The following ZNF556 variants were observed in gnomAD, a reference collection of about 807,000 sequenced individuals.
The protein encoded by ZNF556 is zinc finger protein 556.
In ZNF556, 11 loss-of-function variants were observed where a neutral mutation model predicts 13.6. The observed-to-expected ratio is 0.81, with a 90% CI of 0.51 to 1.33. The LOEUF (loss-of-function observed/expected upper bound fraction) is 1.33. Among genes scored for constraint, ZNF556 ranks in the 40% most tolerant of loss-of-function variants. ZNF556 has a pLI of 0.00. For missense variants in ZNF556, 633 were observed against 566.2 expected, an observed-to-expected ratio of 1.12 and a Z score of -1.20; for synonymous variants, 229 against 207.8, an observed-to-expected ratio of 1.10 and a Z score of -0.88.
chr19:2,877,461 C>A lies in ZNF556; in HGVS notation c.503C>A (p.Ala168Asp). Reference protein sequence around the residue: ...HSSSLIRHKRAHSGQKLYKCK... With the variant: ...HSSSLIRHKRDHSGQKLYKCK... ...TCATCCCTGATAAGGCACAAAAGAG[C>A]TCACTCTGGACAAAAATTATATAAA... Residue 168 changes from alanine (A) to aspartate (D), a missense_variant, in exon 4 of 4, where the codon GCT (alanine) becomes GAT (aspartate). Transcript: ENST00000307635. The A allele has an allele frequency of 2.5e-6, 4 of 1,614,154 alleles. No individual in the cohort carries two copies. Among genetic ancestry groups the A allele is most frequent in the Non-Finnish European group, 3.4e-6 (4 of 1,180,038 alleles).
chr19:2,878,696 C>A lies in ZNF556; in HGVS notation c.*367C>A, dbSNP rs190012812. On this transcript the variant is annotated 3_prime_UTR_variant, in exon 4 of 4. Coordinates refer to ENST00000307635, the MANE Select transcript of ZNF556 (RefSeq NM_024967.3). The stretch of plus-strand genomic sequence containing the variant: ...ATCTCCAAAAAAAGAAAATTCATGG[C>A]AGGAGAAGAATCTCATGACGTTTAT... The A allele has an allele frequency of 5.2e-5, 9 of 174,044 alleles. No individual in the cohort carries two copies. The East Asian group carries it at 9.5e-4, about 18-fold the overall frequency. 10.8% of individuals were successfully genotyped at this position (174,044 alleles called of 1,614,324 possible).
intron 2 of ZNF556, chr19:2,875,049 C>A: frequency 6.4e-6 from 1 of 156,976 alleles, no homozygotes. Flanking sequence ...TTTCTGTGGG[C>A]CTGAATGCCC....
At chr19:2,870,104 A>G (rs896390751) in intron 1 of ZNF556, among the ~76,000 whole-genome samples, 3 of 152,110 alleles carry the variant, frequency 2.0e-5, no homozygotes, top group African/African-American at 7.2e-5. Flanking sequence ...ATTAATTTAA[A>G]TTGGATCACA....
At position 2,880,501 on chromosome 19, in the gene ZNF556, G is replaced by C. The variant is rs2087896091; in HGVS notation, c.*2172G>C. 1 of 152,150 alleles carries C rather than the reference G, an allele frequency of 6.6e-6. No homozygotes were observed. The highest frequency in any genetic ancestry group is 1.5e-5 in the Non-Finnish European group (1 of 68,030). The allele number at this position is 152,150 out of a possible 1,614,324, so 9.4% of individuals were successfully genotyped here. On this transcript the variant is annotated 3_prime_UTR_variant, in exon 4 of 4. Transcript: ENST00000307635. ...TGATACTTCTGGGCCAGGCACAGTG[G>C]CTCACGCCTGTAATCCCAGCACTTT...
Position 2,877,900 on chromosome 19 carries a change from C to A in ZNF556, c.942C>A (p.Pro314=). 6.2e-7 allele frequency: 1 copy of A among 1,614,144 alleles called. No individual in the cohort carries two copies. The highest frequency in any genetic ancestry group is 2.2e-5 in the East Asian group (1 of 44,880). ...TGAGAATTCACAACGGGGAGAAACC[C>A]TATAAGTGTGGAAAATGCGGGAAAG... is the stretch of plus-strand genomic sequence containing the variant. The part of the protein sequence containing the change: ...RHVRIHNGEK[P]YKCGKCGKAF... The change falls in exon 4 of 4, where the codon CCC becomes CCA. Residue 314 remains proline, a synonymous_variant. Coordinates refer to ENST00000307635, the MANE Select transcript of ZNF556 (RefSeq NM_024967.3).
At chr19:2,870,384 C>A (rs551062666) in intron 1 of ZNF556, among the ~76,000 whole-genome samples, 1 of 152,118 alleles carries the variant, frequency 6.6e-6, no homozygotes, top group Non-Finnish European at 1.5e-5. Context: ...CCCAGGAGTT[C>A]AAGGCTGCGG....
In ZNF556 at chr19:2,867,495, G is replaced by A. The variant is rs1325811365; in HGVS notation, c.3+71G>A. The A allele has an allele frequency of 8.3e-6, 13 of 1,558,696 alleles. No individual in the cohort carries two copies. In the East Asian group the frequency reaches 1.4e-4, roughly 17 times the overall value. On this transcript the variant is annotated intron_variant, in intron 1 of 3. Coordinates refer to ENST00000307635, the MANE Select transcript of ZNF556 (RefSeq NM_024967.3). ...GGAGGGTTGGAAGCGGCCAGAACAC[G>A]CTGAAACTCCCGGGGGAGCCGCCCG...
rs757819198 is a variant in ZNF556, at chr19:2,877,456, A to G, written c.498A>G (p.Lys166=). Residue 166 remains lysine (K), a synonymous_variant, in exon 4 of 4, where the codon AAA becomes AAG. Transcript: ENST00000307635. ...FTHSSSLIRH[K]RAHSGQKLYK... ...ATTCCTCATCCCTGATAAGGCACAA[A>G]AGAGCTCACTCTGGACAAAAATTAT... 4 of 1,614,174 alleles carry G rather than the reference A, an allele frequency of 2.5e-6. No individual in the cohort carries two copies. In the Admixed American group the frequency reaches 6.7e-5, roughly 27 times the overall value.
chr19:2,873,129 G>A (rs570152696), intron 1 of ZNF556, among the ~76,000 whole-genome samples: 17 of 79,944 alleles, frequency 2.1e-4, no homozygotes, highest in South Asian at 4.0e-4. Context: ...GCAAGACTCC[G>A]TCTCAAAAAA....
Position 2,878,086 on chromosome 19 carries a change from G to A in ZNF556, c.1128G>A (p.Gly376=). The A allele has an allele frequency of 6.2e-7, 1 of 1,614,152 alleles. No homozygotes were observed. The highest frequency in any genetic ancestry group is 8.5e-7 in the Non-Finnish European group (1 of 1,180,032). Residue 376 remains glycine (G), a synonymous_variant, in exon 4 of 4, where the codon GGG becomes GGA. Transcript: ENST00000307635. ...AAGTCTATAAATGTGAAACGTGTGG[G>A]AAAACGTATGGTTGGTCCTCATCTT... ...REKVYKCETC[G]KTYGWSSSLH...
Position 2,879,991 on chromosome 19 carries a change from C to T in ZNF556, c.*1662C>T, listed in dbSNP as rs546775008. 4 of 151,994 alleles carry T rather than the reference C, an allele frequency of 2.6e-5. No homozygotes were observed. The highest frequency in any genetic ancestry group is 6.6e-5 in the Admixed American group (1 of 15,234). 9.4% of individuals were successfully genotyped at this position (151,994 alleles called of 1,614,324 possible). ...CTTGCAGTGAGCTGGAATCGTGCCA[C>T]TGTACTCCAGCCTGGGCGAAAGAGC... On this transcript the variant is annotated 3_prime_UTR_variant, in exon 4 of 4. Transcript: ENST00000307635.
At position 2,876,105 on chromosome 19, in the gene ZNF556, A is replaced by C. The variant is rs1262934411; in HGVS notation, c.143A>C (p.Gln48Pro). ...KHLASVDNEA[Q>P]LKASGSISQQ... ...TTTTTTGTTTCAGATAATGAGGCTCAGCTTAAAGCCAGTGGGTCTATTTCT... is the reference window on the plus strand; with the variant it reads ...TTTTTTGTTTCAGATAATGAGGCTCCGCTTAAAGCCAGTGGGTCTATTTCT... The change falls in exon 3 of 4, where the codon CAG becomes CCG. Residue 48 changes from glutamine (Q) to proline (P), a missense_variant. Coordinates refer to ENST00000307635, the MANE Select transcript of ZNF556 (RefSeq NM_024967.3). 6.2e-7 allele frequency: 1 copy of C among 1,604,900 alleles called. No individual in the cohort carries two copies. Among genetic ancestry groups the C allele is most frequent in the Non-Finnish European group, 8.5e-7 (1 of 1,177,612 alleles).
rs768299923 is a variant in ZNF556 at position 2,873,497 on chromosome 19, A to G, written c.5A>G (p.Asp2Gly). The part of the protein sequence containing the change: M[D>G]TVVFEDVVVD... ...GTACACATATGTGGTTTGTTTTAGG[A>G]CACAGTGGTCTTTGAAGACGTGGTT... The change falls in exon 2 of 4, where the codon GAC becomes GGC. Residue 2 changes from aspartate to glycine, a missense_variant and splice_region_variant. By Grantham distance (94) the Asp-to-Gly change is moderately conservative (BLOSUM62 -1). Transcript: ENST00000307635. 6.2e-7 allele frequency: 1 copy of G among 1,614,078 alleles called. No individual in the cohort carries two copies. The highest frequency in any genetic ancestry group is 8.5e-7 in the Non-Finnish European group (1 of 1,180,002).
intron 1 of ZNF556, among the ~76,000 whole-genome samples, chr19:2,869,477 C>A (rs1324232477): frequency 6.6e-6 from 1 of 152,186 alleles, no homozygotes; most frequent in African/African-American, 2.4e-5. Context: ...TGCCATTCTC[C>A]TGCCTCAGCC....
At position 2,878,232 on chromosome 19, in the gene ZNF556, G is replaced by A. The variant is rs181113809; in HGVS notation, c.1274G>A (p.Ser425Asn). The A allele has an allele frequency of 3.1e-6, 5 of 1,614,140 alleles. No homozygotes were observed. The highest frequency in any genetic ancestry group is 1.6e-4 in the Middle Eastern group (1 of 6,062). ...NVRTQIGQKP[S>N]KCEKCGKAFS... Reference sequence around the variant, plus strand: ...AGAACGCAGATTGGACAGAAGCCCAGTAAATGCGAAAAATGTGGGAAAGCT... The same window carrying A: ...AGAACGCAGATTGGACAGAAGCCCAATAAATGCGAAAAATGTGGGAAAGCT... The change falls in exon 4 of 4, where the codon AGT becomes AAT. Residue 425 changes from serine to asparagine, a missense_variant. Physicochemically the swap from Ser to Asn is conservative, Grantham distance 46 (BLOSUM62 1). Coordinates refer to ENST00000307635, the MANE Select transcript of ZNF556 (RefSeq NM_024967.3).
At chr19:2,871,700 G>A (rs7259438) in intron 1 of ZNF556, among the ~76,000 whole-genome samples, 12,645 of 152,128 alleles carry the variant, frequency 0.083, 1,741 homozygotes, top group African/African-American at 0.29. Flanking sequence ...CCACAGGGTC[G>A]GTGGGTTTCT....
At chr19:2,868,537 C>T (rs2087776280) in intron 1 of ZNF556, among the ~76,000 whole-genome samples, 1 of 151,282 alleles carries the variant, frequency 6.6e-6, no homozygotes. Context: ...CTGCCTCAGC[C>T]TCCCCAGCAG....
chr19:2,869,959 A>G (rs1156290113), intron 1 of ZNF556, among the ~76,000 whole-genome samples: 1 of 152,076 alleles, frequency 6.6e-6, no homozygotes, highest in African/African-American at 2.4e-5. Flanking sequence ...CCCTCTGTCC[A>G]GTCACACAGG....
chr19:2,873,683 G>T, intron 2 of ZNF556, 61 bp downstream of exon 2: 1 of 1,572,562 alleles, frequency 6.4e-7, no homozygotes, highest in Non-Finnish European at 8.7e-7. Context: ...TCTGGTTGCA[G>T]TGGTTCATGC....
Sources: gnomAD v4.1 joint callset for allele counts (sites outside exome capture counted in the v4.1 genomes callset) on GRCh38, gnomAD v4.1.1 for gene constraint, MANE v1.5 for transcripts, NCBI Gene and HGNC (gene_info 2026-07-23, HGNC 2026-07-21) for gene names.